TMEFF2: variants seen among roughly 807,000 people sequenced by gnomAD.
TMEFF2 encodes tomoregulin-2.
A neutral mutation model predicts 53.8 loss-of-function variants in TMEFF2; 28 were observed. The observed-to-expected ratio is 0.52, with a 90% CI of 0.39 to 0.71. TMEFF2 has a LOEUF of 0.71. TMEFF2 is among the 30% of genes least tolerant of loss of function. The pLI is 0.00. For missense variants in TMEFF2, 353 were observed against 455.2 expected, an observed-to-expected ratio of 0.78 and a Z score of 2.04; for synonymous variants, 162 against 166.3, an observed-to-expected ratio of 0.97 and a Z score of 0.20.
intron 4 of TMEFF2, among the ~76,000 whole-genome samples, chr2:192,127,032 CTTA>C: frequency 6.6e-6 from 1 of 152,242 alleles, no homozygotes; most frequent in South Asian, 2.1e-4. Context: ...GTAAAGCACT[CTTA>C]TTTAGACAGC....
Position 191,973,870 on chromosome 2 carries a change from T to C in TMEFF2, c.746-17492A>G, listed in dbSNP as rs146631685. Among the ~76,000 whole-genome samples the C allele has an allele frequency of 5.1e-3, 782 of 152,286 alleles. 6 individuals carry two copies. The highest frequency in any genetic ancestry group is 0.018 in the African/African-American group (751 of 41,566). ...AAGGTGTTTTTCCCCACCTTCACTC[T>C]GCACTTCTCCTTGCTGTCACCATGT... On this transcript the variant is annotated intron_variant, in intron 7 of 9. Transcript: ENST00000272771.
chr2:192,036,044 A>G (rs1393766230), intron 5 of TMEFF2: 3 of 152,128 alleles, frequency 2.0e-5, no homozygotes, highest in African/African-American at 7.2e-5. Context: ...CACGTTGTAG[A>G]CTCCAAATAC....
At chr2:192,063,693 CTTTTG>C (rs144653202) in intron 4 of TMEFF2, among the ~76,000 whole-genome samples, 2,491 of 151,880 alleles carry the variant, frequency 0.016, 61 homozygotes, top group African/African-American at 0.057. Flanking sequence ...GTCTAGTTCT[CTTTTG>C]TTTTGTCAGT....
At chr2:191,963,884 A>G (rs1692339467) in intron 7 of TMEFF2, among the ~76,000 whole-genome samples, 1 of 152,234 alleles carries the variant, frequency 6.6e-6, no homozygotes, top group Non-Finnish European at 1.5e-5. Context: ...AATACTTAAC[A>G]TGGTCAAAAT....
chr2:192,133,244 G>A (rs746465225), intron 4 of TMEFF2, among the ~76,000 whole-genome samples: 6 of 151,962 alleles, frequency 3.9e-5, no homozygotes, highest in African/African-American at 7.3e-5. Flanking sequence ...TCTCATTGCC[G>A]CCCTTCTTCA....
At chr2:192,112,720 G>T (rs1172022039) in intron 4 of TMEFF2, among the ~76,000 whole-genome samples, 3 of 152,148 alleles carry the variant, frequency 2.0e-5, no homozygotes. Context: ...ATCTTGAATT[G>T]TACCTCCTGT....
At chr2:192,077,548 G>C (rs941348104) in intron 4 of TMEFF2, among the ~76,000 whole-genome samples, 1 of 151,824 alleles carries the variant, frequency 6.6e-6, no homozygotes. Context: ...ATTAAGGTTT[G>C]ATCATTCTAA....
intron 7 of TMEFF2, among the ~76,000 whole-genome samples, chr2:191,977,294 G>A (rs1685752807): frequency 1.3e-5 from 2 of 152,220 alleles, no homozygotes; most frequent in Non-Finnish European, 2.9e-5. Flanking sequence ...CCATGCCATA[G>A]GAGCTATTGT....
At chr2:191,994,304 G>T (rs1010101054) in intron 7 of TMEFF2, among the ~76,000 whole-genome samples, 5 of 151,586 alleles carry the variant, frequency 3.3e-5, no homozygotes, top group African/African-American at 1.2e-4. Flanking sequence ...TCTGAAAACT[G>T]GTGTAGGATG....
chr2:192,011,091 G>A (rs2105849593), intron 5 of TMEFF2, among the ~76,000 whole-genome samples: 1 of 152,282 alleles, frequency 6.6e-6, no homozygotes, highest in East Asian at 1.9e-4. Flanking sequence ...ACTAAACTGT[G>A]TGAAGAAAAC....
intron 7 of TMEFF2, among the ~76,000 whole-genome samples, chr2:191,969,954 T>TA (rs1461134431): frequency 6.6e-6 from 1 of 152,176 alleles, no homozygotes; most frequent in Non-Finnish European, 1.5e-5. Context: ...TAGGTTTTGC[T>TA]AAAAAATAAC....
intron 4 of TMEFF2, among the ~76,000 whole-genome samples, chr2:192,144,168 A>G (rs1031803753): frequency 2.6e-5 from 4 of 152,064 alleles, no homozygotes; most frequent in African/African-American, 4.8e-5. Context: ...TATTCCTAAG[A>G]GCCCACAGTC....
At chr2:192,069,396 C>CAA in intron 4 of TMEFF2, among the ~76,000 whole-genome samples, 1 of 149,474 alleles carries the variant, frequency 6.7e-6, no homozygotes, top group South Asian at 2.1e-4. Context: ...AATCATCACA[C>CAA]ACAAAAAAAA....
intron 7 of TMEFF2, among the ~76,000 whole-genome samples, chr2:191,962,715 A>G (rs928486369): frequency 9.9e-5 from 15 of 152,248 alleles, no homozygotes; most frequent in Admixed American, 9.2e-4. Flanking sequence ...AACAAGGCTC[A>G]TGTAGATTTA....
At chr2:191,954,141 C>T (rs1372237785) in intron 8 of TMEFF2, among the ~76,000 whole-genome samples, 4 of 152,118 alleles carry the variant, frequency 2.6e-5, no homozygotes, top group Non-Finnish European at 4.4e-5. Flanking sequence ...CCCACCTCAG[C>T]CTCCCAAAGT....
At chr2:192,190,319 G>A (rs1034710225) in intron 2 of TMEFF2, among the ~76,000 whole-genome samples, 2 of 151,628 alleles carry the variant, frequency 1.3e-5, no homozygotes, top group Non-Finnish European at 2.9e-5. Flanking sequence ...TCTACCCATG[G>A]TTATGAAAAT....
At position 191,966,784 on chromosome 2, in the gene TMEFF2, A is replaced by G. The variant is rs367795988; in HGVS notation, c.746-10406T>C. Among the ~76,000 whole-genome samples, 205 of 152,324 alleles carry G rather than the reference A, an allele frequency of 1.3e-3. 2 individuals carry two copies. Among genetic ancestry groups the G allele is most frequent in the African/African-American group, 4.7e-3 (195 of 41,588 alleles). On this transcript the variant is annotated intron_variant, in intron 7 of 9. Coordinates refer to ENST00000272771, the MANE Select transcript of TMEFF2 (RefSeq NM_016192.4). Reference sequence around the variant, plus strand: ...AAGTATTTTATGGTAATAGATGCTAAACACCACAATTAGCAGCACAGATAT... The same window carrying G: ...AAGTATTTTATGGTAATAGATGCTAGACACCACAATTAGCAGCACAGATAT...
chr2:192,184,360 C>T lies in TMEFF2; in HGVS notation c.406G>A (p.Ala136Thr). The change falls in exon 3 of 10, where the codon GCC (alanine) becomes ACC (threonine). Residue 136 changes from alanine to threonine, a missense_variant. By Grantham distance (58) the Ala-to-Thr change is moderately conservative. Around this residue, in one of 3 missense-constraint regions of TMEFF2, gnomAD observed 294 missense variants for 397.3 expected, o/e 0.74. Coordinates refer to ENST00000272771, the MANE Select transcript of TMEFF2 (RefSeq NM_016192.4). The stretch of plus-strand genomic sequence containing the variant: ...AAGAAGATCACACACATACCTGTGG[C>T]ACATGATCCTTCTGACACCACAAGT... ...EILVVSEGSCATDAGSGSGDG... is the reference protein window; with the variant it reads ...EILVVSEGSCTTDAGSGSGDG... 6.2e-7 allele frequency: 1 copy of T among 1,613,086 alleles called. No individual in the cohort carries two copies. Among genetic ancestry groups the T allele is most frequent in the Non-Finnish European group, 8.5e-7 (1 of 1,179,328 alleles).
intron 4 of TMEFF2, among the ~76,000 whole-genome samples, chr2:192,115,834 A>T (rs1435625035): frequency 6.6e-6 from 1 of 152,036 alleles, no homozygotes; most frequent in Non-Finnish European, 1.5e-5. Context: ...AAGTCAAAAG[A>T]TAAGTGTTGC....
Sources: gnomAD v4.1 joint callset for allele counts (sites outside exome capture counted in the v4.1 genomes callset) on GRCh38, gnomAD v4.1.1 for gene constraint, gnomAD v4.1.1 regional missense constraint, MANE v1.5 for transcripts, NCBI Gene and HGNC (gene_info 2026-07-23, HGNC 2026-07-21) for gene names.